CBX1: variants seen among roughly 807,000 people sequenced by gnomAD.
CBX1 encodes chromobox protein homolog 1.
CBX1 carries 10 observed loss-of-function variants against 25.1 expected under a neutral mutation model. That is an observed-to-expected ratio of 0.40 (90% CI 0.25 to 0.68). The LOEUF is 0.68. Among genes scored for constraint, CBX1 ranks in the 30% least tolerant of loss-of-function variants. The probability of loss-of-function intolerance (pLI) is 0.40; values close to 1 mark genes in which losing one functional copy is unlikely to be tolerated. For synonymous variants in CBX1, 63 were observed against 79.4 expected (o/e 0.79, Z 1.10); for missense variants, 106 against 218.5 (o/e 0.49, Z 3.25).
rs1245325201 is a variant in CBX1 at position 48,070,646 on chromosome 17, CT to C, written c.*788del. The C allele has an allele frequency of 6.6e-6, 1 of 152,664 alleles. No homozygotes were observed. The highest frequency in any genetic ancestry group is 1.5e-5 in the Non-Finnish European group (1 of 68,042). The allele number at this position is 152,664 out of a possible 1,614,324, so 9.5% of individuals were successfully genotyped here. On this transcript the variant is annotated 3_prime_UTR_variant, in exon 5 of 5. Transcript: ENST00000225603. ...AGCACCTCTAAGGCAGAATGATCTG[CT>C]TGTACTGTATACTCTCCAATAAAAG...
At chr17:48,098,817 C>T (rs924348982) in intron 1 of CBX1, among the ~76,000 whole-genome samples, 17 of 152,250 alleles carry the variant, frequency 1.1e-4, no homozygotes, top group African/African-American at 3.9e-4. Context: ...TACACCACTG[C>T]AGATAGGATT....
chr17:48,078,319 A>C (rs1297058517), intron 1 of CBX1, among the ~76,000 whole-genome samples: 1 of 151,748 alleles, frequency 6.6e-6, no homozygotes, highest in African/African-American at 2.4e-5. Context: ...CAGCCTCCTG[A>C]GTAGCTGTGA....
At chr17:48,075,920 T>C (rs547383963) in intron 3 of CBX1, 81 bp downstream of exon 3, 1 of 1,064,096 alleles carries the variant, frequency 9.4e-7, no homozygotes, top group Admixed American at 2.4e-5. Context: ...CAGCTGCTAA[T>C]ATCAGGGAAG....
intron 1 of CBX1, among the ~76,000 whole-genome samples, chr17:48,079,453 T>A (rs2037710876): frequency 6.6e-6 from 1 of 152,234 alleles, no homozygotes; most frequent in Admixed American, 6.5e-5. Context: ...AACTTACGAT[T>A]CACAAATTTC....
chr17:48,074,792 A>C, intron 4 of CBX1: 1 of 503,106 alleles, frequency 2.0e-6, no homozygotes, highest in Non-Finnish European at 3.6e-6. Context: ...CCTCCTAAAA[A>C]TATGGGCAAA....
At chr17:48,094,528 T>C (rs1259934829) in intron 1 of CBX1, among the ~76,000 whole-genome samples, 1 of 151,694 alleles carries the variant, frequency 6.6e-6, no homozygotes, top group African/African-American at 2.4e-5. Flanking sequence ...GGCTAGGAGT[T>C]TGAGACCAGC....
chr17:48,075,105 A>G lies in CBX1; in HGVS notation c.319-5T>C. ...AAAGCCTCGTGGCTTTTCTGACTGT[A>G]AAAACAAGATGGGTAGAACAATTTT... On this transcript the variant is annotated splice_region_variant and splice_polypyrimidine_tract_variant and intron_variant, in intron 3 of 4. Coordinates refer to ENST00000225603, the MANE Select transcript of CBX1 (RefSeq NM_001127228.2). 1 of 1,607,446 alleles carries G rather than the reference A, an allele frequency of 6.2e-7. No individual in the cohort carries two copies. The highest frequency in any genetic ancestry group is 8.5e-7 in the Non-Finnish European group (1 of 1,173,874).
intron 1 of CBX1, among the ~76,000 whole-genome samples, chr17:48,080,794 G>A (rs1423132483): frequency 2.0e-5 from 3 of 149,768 alleles, no homozygotes; most frequent in East Asian, 2.0e-4. Context: ...GGTGGCGCTC[G>A]CCTGTAGTGC....
intron 1 of CBX1, among the ~76,000 whole-genome samples, chr17:48,084,602 TA>T (rs1318402352): frequency 4.0e-5 from 6 of 149,482 alleles, no homozygotes; most frequent in Admixed American, 4.0e-4. Context: ...GCGCCCTGCC[TA>T]CTCATTTATT....
intron 1 of CBX1, among the ~76,000 whole-genome samples, chr17:48,093,070 C>CAAA (rs748778471): frequency 1.1e-4 from 1 of 8,746 alleles, no homozygotes; most frequent in Admixed American, 1.1e-3. Context: ...AACTCTGTCT[C>CAAA]AAAAAAAAAA....
At chr17:48,073,517 A>T (rs2037645329) in intron 4 of CBX1, among the ~76,000 whole-genome samples, 1 of 152,166 alleles carries the variant, frequency 6.6e-6, no homozygotes, top group Non-Finnish European at 1.5e-5. Context: ...AATCAAATCC[A>T]GTTTTAACCT....
At chr17:48,100,063 C>T (rs1357588598) in intron 1 of CBX1, among the ~76,000 whole-genome samples, 2 of 134,992 alleles carry the variant, frequency 1.5e-5, no homozygotes, top group Non-Finnish European at 3.1e-5. Context: ...CGCATGAATC[C>T]GGGAGGTGGA....
In CBX1 at chr17:48,073,824, C is replaced by CAAAAAAA. The variant is rs60857566; in HGVS notation, c.413+1175_413+1181dup. Among the ~76,000 whole-genome samples, 23 of 82,492 alleles carry CAAAAAAA rather than the reference C, an allele frequency of 2.8e-4. 2 individuals carry two copies. Among genetic ancestry groups the CAAAAAAA allele is most frequent in the Non-Finnish European group, 3.6e-4 (16 of 44,610 alleles). The allele number at this position is 82,492 out of a possible 152,430, so 54.1% of individuals were successfully genotyped here. ...CCTGGGCGAAAGAGTGAGACTGTCT[C>CAAAAAAA]AAAAAAAAAAAAAAAAAAAAAGACA... On this transcript the variant is annotated intron_variant, in intron 4 of 4. Transcript: ENST00000225603.
chr17:48,100,302 T>C (rs910302613), intron 1 of CBX1, among the ~76,000 whole-genome samples: 7 of 152,090 alleles, frequency 4.6e-5, no homozygotes, highest in African/African-American at 1.4e-4. Flanking sequence ...GATCTCACAA[T>C]CTCTCACTAC....
At chr17:48,101,150 G>T in intron 1 of CBX1, 118 bp downstream of exon 1, 1 of 986,600 alleles carries the variant, frequency 1.0e-6, no homozygotes, top group Non-Finnish European at 1.2e-6. Flanking sequence ...CGCTGGACCC[G>T]GGCGCGCTCC....
At chr17:48,076,840 A>C (rs7217496) in intron 2 of CBX1, 25 bp downstream of exon 2, 1 of 1,599,946 alleles carries the variant, frequency 6.3e-7, no homozygotes, top group African/African-American at 1.3e-5. Context: ...TGGTGGCTAC[A>C]TTTACCTGTG....
chr17:48,070,767 C>A lies in CBX1; in HGVS notation c.*668G>T, dbSNP rs938876367. The A allele has an allele frequency of 2.6e-5, 4 of 152,598 alleles. No homozygotes were observed. The highest frequency in any genetic ancestry group is 9.7e-5 in the African/African-American group (4 of 41,430). 9.5% of individuals were successfully genotyped at this position (152,598 alleles called of 1,614,324 possible). ...TTGTGGGAACAGCAATAAGTTTAGG[C>A]AGGGAACACCTTGGCTTATAGGTTT... On this transcript the variant is annotated 3_prime_UTR_variant, in exon 5 of 5. Coordinates refer to ENST00000225603, the MANE Select transcript of CBX1 (RefSeq NM_001127228.2).
chr17:48,099,025 A>G lies in CBX1; in HGVS notation c.-38+2243T>C, dbSNP rs374665001. Among the ~76,000 whole-genome samples, 381 of 152,376 alleles carry G rather than the reference A, an allele frequency of 2.5e-3. 7 individuals are homozygous for G. Among genetic ancestry groups the G allele is most frequent in the African/African-American group, 8.4e-3 (348 of 41,598 alleles). ...CCTGTATTCAGAAATGCAGAAGACC[A>G]GGGTAACTTACTTACCACTAGGCTT... On this transcript the variant is annotated intron_variant, in intron 1 of 4. Transcript: ENST00000225603.
At chr17:48,075,399 TAGTC>T (rs951226399) in intron 3 of CBX1, among the ~76,000 whole-genome samples, 3 of 152,280 alleles carry the variant, frequency 2.0e-5, no homozygotes, top group South Asian at 2.1e-4. Flanking sequence ...TTCTCCGTGT[TAGTC>T]AGGATGGTCT....
Sources: gnomAD v4.1 joint callset for allele counts (sites outside exome capture counted in the v4.1 genomes callset) on GRCh38, gnomAD v4.1.1 for gene constraint, MANE v1.5 for transcripts, NCBI Gene and HGNC (gene_info 2026-07-23, HGNC 2026-07-21) for gene names.